Variants in DLGAP2 observed in about 807,000 individuals in gnomAD.
The protein encoded by DLGAP2 is disks large-associated protein 2.
Under a neutral mutation model 100.3 loss-of-function variants are expected in DLGAP2, and 26 were observed. The observed-to-expected ratio is 0.26, with a 90% CI of 0.19 to 0.36. The LOEUF is 0.36. Ranked by LOEUF, DLGAP2 falls within the 10% of genes least tolerant of loss-of-function variation. The probability of loss-of-function intolerance (pLI) is 1.00; values close to 1 mark genes in which losing one functional copy is unlikely to be tolerated. For missense variants in DLGAP2, 1,858 were observed against 1,453.2 expected, an observed-to-expected ratio of 1.28 and a Z score of -4.53; for synonymous variants, 886 against 630.1, an observed-to-expected ratio of 1.41 and a Z score of -6.08.
chr8:1,261,716 T>C (rs1799354362), intron 3 of DLGAP2, among the ~76,000 whole-genome samples: 2 of 152,256 alleles, frequency 1.3e-5, no homozygotes. Flanking sequence ...AGGTCTCAGC[T>C]GTGCTTTAGT....
chr8:1,366,981 A>G (rs550415123), intron 3 of DLGAP2, among the ~76,000 whole-genome samples: 5 of 152,012 alleles, frequency 3.3e-5, no homozygotes, highest in South Asian at 2.1e-4. Flanking sequence ...GCACGTGACC[A>G]CAGACCCCGG....
At chr8:1,356,277 G>C (rs1191634673) in intron 3 of DLGAP2, among the ~76,000 whole-genome samples, 1 of 152,216 alleles carries the variant, frequency 6.6e-6, no homozygotes, top group Non-Finnish European at 1.5e-5. Context: ...GCTGTCAGCT[G>C]TCCTCTGGTT....
At chr8:1,617,708 T>TAA (rs1797202706) in intron 6 of DLGAP2, among the ~76,000 whole-genome samples, 1 of 152,230 alleles carries the variant, frequency 6.6e-6, no homozygotes, top group African/African-American at 2.4e-5. Flanking sequence ...CAGAAGCTCT[T>TAA]AAGTTTAATT....
intron 3 of DLGAP2, among the ~76,000 whole-genome samples, chr8:1,293,273 G>A (rs1051479368): frequency 1.3e-5 from 2 of 152,202 alleles, no homozygotes; most frequent in Non-Finnish European, 2.9e-5. Flanking sequence ...AGTGCAGGGG[G>A]ACTCAGGAGT....
intron 1 of DLGAP2, among the ~76,000 whole-genome samples, chr8:819,833 G>A (rs1185032984): frequency 1.3e-5 from 2 of 152,200 alleles, no homozygotes; most frequent in Non-Finnish European, 2.9e-5. Context: ...ACTCGGCATG[G>A]AAATGTGGCA....
chr8:1,521,063 T>C (rs992549837), intron 4 of DLGAP2, among the ~76,000 whole-genome samples: 2 of 152,092 alleles, frequency 1.3e-5, no homozygotes, highest in African/African-American at 4.8e-5. Flanking sequence ...GGTGTGGTGG[T>C]GTCTTGTTGT....
chr8:1,573,582 A>G (rs889478933), intron 6 of DLGAP2, among the ~76,000 whole-genome samples: 1 of 151,692 alleles, frequency 6.6e-6, no homozygotes, highest in African/African-American at 2.4e-5. Context: ...TTAGTCATCA[A>G]TAATAACAGC....
chr8:1,073,455 G>A (rs1803496510), intron 2 of DLGAP2, among the ~76,000 whole-genome samples: 1 of 152,008 alleles, frequency 6.6e-6, no homozygotes, highest in Admixed American at 6.6e-5. Context: ...ATACAGACAT[G>A]GATATGTAAC....
intron 1 of DLGAP2, among the ~76,000 whole-genome samples, chr8:879,879 A>G (rs1317351867): frequency 6.6e-6 from 1 of 152,120 alleles, no homozygotes; most frequent in African/African-American, 2.4e-5. Context: ...TCTCCATGTC[A>G]TTGTCAAGCA....
chr8:1,298,890 G>C (rs566740317), intron 3 of DLGAP2, among the ~76,000 whole-genome samples: 1 of 152,276 alleles, frequency 6.6e-6, no homozygotes, highest in East Asian at 1.9e-4. Context: ...ACAGGCCTGA[G>C]GCAGGAACGG....
intron 6 of DLGAP2, among the ~76,000 whole-genome samples, chr8:1,623,289 G>A (rs755350173): frequency 1.3e-5 from 2 of 152,146 alleles, no homozygotes; most frequent in East Asian, 1.9e-4. Flanking sequence ...CCCCCATCCC[G>A]CCCAAGCCTG....
chr8:1,136,099 C>A (rs542570865), intron 2 of DLGAP2, among the ~76,000 whole-genome samples: 1 of 143,122 alleles, frequency 7.0e-6, no homozygotes, highest in African/African-American at 2.9e-5. Context: ...TTTGAGATTC[C>A]CCTTGCCTTC....
intron 2 of DLGAP2, among the ~76,000 whole-genome samples, chr8:1,207,228 C>T (rs1293551365): frequency 6.6e-6 from 1 of 152,210 alleles, no homozygotes; most frequent in African/African-American, 2.4e-5. Context: ...TTATCCTCCA[C>T]CCCTTCCCAT....
intron 3 of DLGAP2, among the ~76,000 whole-genome samples, chr8:1,355,602 A>G (rs1801830013): frequency 6.6e-6 from 1 of 152,096 alleles, no homozygotes; most frequent in Non-Finnish European, 1.5e-5. Context: ...TGACCTCATG[A>G]TCCACCTGTC....
chr8:1,700,127 C>G (rs1372801125), intron 14 of DLGAP2, among the ~76,000 whole-genome samples: 1 of 152,216 alleles, frequency 6.6e-6, no homozygotes, highest in African/African-American at 2.4e-5. Context: ...CCAAAGCAGG[C>G]TTCTTGCCAC....
At chr8:1,601,454 CT>C (rs1170801836) in intron 6 of DLGAP2, among the ~76,000 whole-genome samples, 1 of 152,234 alleles carries the variant, frequency 6.6e-6, no homozygotes, top group Admixed American at 6.5e-5. Flanking sequence ...ACGTTTACGT[CT>C]GCTGAAGCTG....
At chr8:1,164,456 G>A (rs758439862) in intron 2 of DLGAP2, among the ~76,000 whole-genome samples, 5 of 150,616 alleles carry the variant, frequency 3.3e-5, no homozygotes, top group Admixed American at 3.3e-4. Flanking sequence ...GGAGGCGATG[G>A]CCTGGCTCTC....
chr8:1,222,744 C>T (rs1798341299), intron 2 of DLGAP2, among the ~76,000 whole-genome samples: 1 of 152,036 alleles, frequency 6.6e-6, no homozygotes, highest in African/African-American at 2.4e-5. Context: ...CAGACGGGCT[C>T]TGCTGGTGAG....
At chr8:1,163,140 C>T (rs1175715005) in intron 2 of DLGAP2, among the ~76,000 whole-genome samples, 1 of 152,182 alleles carries the variant, frequency 6.6e-6, no homozygotes, top group Non-Finnish European at 1.5e-5. Flanking sequence ...TCCTGTCCTC[C>T]GTGGCCAGGA....
Sources: allele counts gnomAD v4.1 joint callset (sites outside exome capture counted in the v4.1 genomes callset), GRCh38; gene constraint gnomAD v4.1.1; transcripts MANE v1.5; gene names NCBI Gene and HGNC (gene_info 2026-07-23, HGNC 2026-07-21).